Variants in SNX9 observed in about 807,000 individuals in gnomAD.
The protein encoded by SNX9 is sorting nexin-9.
A neutral mutation model predicts 89.4 loss-of-function variants in SNX9; 44 were observed. The observed-to-expected ratio is 0.49, with a 90% CI of 0.39 to 0.63. The LOEUF (loss-of-function observed/expected upper bound fraction) is 0.63. Among genes scored for constraint, SNX9 ranks in the 30% least tolerant of loss-of-function variants. SNX9 has a pLI of 0.00. For missense variants in SNX9, 578 were observed against 736.1 expected (o/e 0.79, Z 2.49); for synonymous variants, 236 against 247.8 (o/e 0.95, Z 0.45).
intron 1 of SNX9, among the ~76,000 whole-genome samples, chr6:157,852,197 G>A (rs1781928132): frequency 6.6e-6 from 1 of 152,088 alleles, no homozygotes; most frequent in African/African-American, 2.4e-5. Flanking sequence ...TTTCTACCGT[G>A]GCTGTACCAT....
chr6:157,940,937 G>T lies in SNX9; in HGVS notation c.1703G>T (p.Arg568Leu). Reference sequence around the variant, plus strand: ...ATCTATGATTACAACAGTGTCATCCGCCTGTACCTGGAGCAGCAAGTGCAA... The same window carrying T: ...ATCTATGATTACAACAGTGTCATCCTCCTGTACCTGGAGCAGCAAGTGCAA... ...NRIYDYNSVI[R>L]LYLEQQVQFY... The change falls in exon 17 of 18, where the codon CGC (arginine) becomes CTC (leucine). Residue 568 changes from arginine to leucine, a missense_variant. Coordinates refer to ENST00000392185, the MANE Select transcript of SNX9 (RefSeq NM_016224.5). 1 of 1,614,196 alleles carries T rather than the reference G, an allele frequency of 6.2e-7. No homozygotes were observed. Among genetic ancestry groups the T allele is most frequent in the Non-Finnish European group, 8.5e-7 (1 of 1,180,018 alleles).
intron 7 of SNX9, among the ~76,000 whole-genome samples, chr6:157,908,738 T>G (rs894124677): frequency 1.4e-5 from 2 of 143,722 alleles, no homozygotes; most frequent in African/African-American, 5.3e-5. Context: ...ATCCTCAGGC[T>G]CAAAACTTAC....
At chr6:157,837,432 A>C (rs1282549014) in intron 1 of SNX9, among the ~76,000 whole-genome samples, 2 of 152,234 alleles carry the variant, frequency 1.3e-5, no homozygotes, top group East Asian at 1.9e-4. Flanking sequence ...CTTTTAATTC[A>C]CTAGGAGAGA....
intron 5 of SNX9, among the ~76,000 whole-genome samples, chr6:157,900,225 A>C (rs1476513055): frequency 6.6e-6 from 1 of 151,986 alleles, no homozygotes. Flanking sequence ...TGTGATGTTG[A>C]GTGCATTTTC....
At chr6:157,867,757 T>A (rs1392567070) in intron 2 of SNX9, 124 bp downstream of exon 2, 1 of 808,142 alleles carries the variant, frequency 1.2e-6, no homozygotes, top group Non-Finnish European at 1.8e-6. Flanking sequence ...ATTTTATTTT[T>A]TTGTAAGTTA....
intron 12 of SNX9, among the ~76,000 whole-genome samples, chr6:157,929,718 G>A (rs928337474): frequency 6.6e-6 from 1 of 152,132 alleles, no homozygotes; most frequent in African/African-American, 2.4e-5. Flanking sequence ...TTTTTTTAAA[G>A]GTGATATTTT....
chr6:157,826,755 T>TTA (rs202148809), intron 1 of SNX9, among the ~76,000 whole-genome samples: 2,651 of 118,726 alleles, frequency 0.022, 147 homozygotes, highest in East Asian at 0.045. Context: ...ATTATAGGTT[T>TTA]TATATATATA....
chr6:157,908,951 C>G (rs1176146361), intron 7 of SNX9, among the ~76,000 whole-genome samples: 7 of 152,286 alleles, frequency 4.6e-5, no homozygotes, highest in Non-Finnish European at 7.3e-5. Flanking sequence ...ACGTGATACC[C>G]GGGGGTTGGA....
At chr6:157,861,342 G>A (rs1001087032) in intron 1 of SNX9, among the ~76,000 whole-genome samples, 10 of 152,222 alleles carry the variant, frequency 6.6e-5, no homozygotes, top group Non-Finnish European at 1.3e-4. Flanking sequence ...TAATTGACCC[G>A]CATCCCCTTG....
At chr6:157,896,742 A>G in intron 4 of SNX9, 85 bp from the exon 5 acceptor site, 26 of 1,433,484 alleles carry the variant, frequency 1.8e-5, no homozygotes, top group Non-Finnish European at 2.4e-5. Flanking sequence ...CTCCTGTTGT[A>G]TTCAATTGTG....
chr6:157,905,644 A>G (rs1204811774), intron 6 of SNX9, among the ~76,000 whole-genome samples: 1 of 152,100 alleles, frequency 6.6e-6, no homozygotes, highest in African/African-American at 2.4e-5. Context: ...TCCAAAAGAA[A>G]CAAGCACATA....
chr6:157,867,288 T>C (rs9347719), intron 1 of SNX9, among the ~76,000 whole-genome samples: 19,155 of 152,100 alleles, frequency 0.13, 1,963 homozygotes, highest in African/African-American at 0.28. Flanking sequence ...TTTTTTAGGG[T>C]TGATCTCTAA....
chr6:157,933,348 T>A (rs1273840665), intron 13 of SNX9, among the ~76,000 whole-genome samples: 1 of 152,214 alleles, frequency 6.6e-6, no homozygotes, highest in African/African-American at 2.4e-5. Context: ...TTAAATCTGT[T>A]ATCTCCTGTC....
chr6:157,869,291 G>T (rs939467142), intron 2 of SNX9, among the ~76,000 whole-genome samples: 2 of 152,024 alleles, frequency 1.3e-5, no homozygotes, highest in Admixed American at 1.3e-4. Flanking sequence ...CGTCTCTGTG[G>T]TGATGACTTT....
chr6:157,849,834 G>C (rs1781875313), intron 1 of SNX9, among the ~76,000 whole-genome samples: 2 of 152,144 alleles, frequency 1.3e-5, no homozygotes, highest in African/African-American at 2.4e-5. Context: ...GGTGTGTTGT[G>C]TGCTCTTGGA....
At chr6:157,844,600 G>GTTTTTT (rs34836632) in intron 1 of SNX9, among the ~76,000 whole-genome samples, 2 of 131,830 alleles carry the variant, frequency 1.5e-5, no homozygotes, top group African/African-American at 5.7e-5. Context: ...TTTTTTTTTT[G>GTTTTTT]TTTTTTTTTT....
chr6:157,927,478 A>G (rs188016964), intron 11 of SNX9, among the ~76,000 whole-genome samples: 81 of 152,260 alleles, frequency 5.3e-4, no homozygotes, highest in Admixed American at 2.5e-3. Flanking sequence ...GCTGTTTCCA[A>G]TAGTGTGATG....
chr6:157,847,738 C>T (rs149364857), intron 1 of SNX9, among the ~76,000 whole-genome samples: 1 of 152,154 alleles, frequency 6.6e-6, no homozygotes, highest in East Asian at 1.9e-4. Context: ...GTGCTAAAAT[C>T]CTGTAACATA....
At chr6:157,931,174 A>C (rs1783803987) in intron 12 of SNX9, among the ~76,000 whole-genome samples, 1 of 151,952 alleles carries the variant, frequency 6.6e-6, no homozygotes, top group Non-Finnish European at 1.5e-5. Flanking sequence ...TAGAATGAAA[A>C]CTCTAGCACA....
Sources: gnomAD v4.1 joint callset for allele counts (sites outside exome capture counted in the v4.1 genomes callset) on GRCh38, gnomAD v4.1.1 for gene constraint, MANE v1.5 for transcripts, NCBI Gene and HGNC (gene_info 2026-07-23, HGNC 2026-07-21) for gene names.